Variants in RASA2 observed in about 807,000 individuals in gnomAD.
The protein encoded by RASA2 is RAS p21 protein activator 2, also known as ras GTPase-activating protein 2.
In RASA2, 155 loss-of-function variants were observed where a neutral mutation model predicts 118.2. That is an observed-to-expected ratio of 1.31 (90% CI 1.15 to 1.50). The LOEUF (loss-of-function observed/expected upper bound fraction) is 1.50, where lower values mean the gene tolerates loss of function less well. Ranked by LOEUF, RASA2 falls within the 40% of genes most tolerant of loss-of-function variation. RASA2 has a pLI of 0.00. For missense variants in RASA2, 1,016 were observed against 1,009.6 expected, an observed-to-expected ratio of 1.01 and a Z score of -0.09; for synonymous variants, 353 against 349.1, an observed-to-expected ratio of 1.01 and a Z score of -0.12.
In RASA2 at chr3:141,555,951, G is replaced by T. The variant is rs764733382; in HGVS notation, c.684+39G>T. 14 of 1,411,810 alleles carry T rather than the reference G, an allele frequency of 9.9e-6. No homozygotes were observed. The East Asian group carries it at 3.3e-4, about 33-fold the overall frequency. The allele number at this position is 1,411,810 out of a possible 1,614,324, so 87.5% of individuals were successfully genotyped here. A position where few individuals can be genotyped will look rare whatever the true frequency, so the allele number is the denominator to read the frequency against. On this transcript the variant is annotated intron_variant, in intron 7 of 23. Coordinates refer to ENST00000286364, the MANE Select transcript of RASA2 (RefSeq NM_006506.5). ...TTACGTAAATGTTAACATTAAATATGTAATATTTAATGCTAGTTGATTTCT... is the reference window on the plus strand; with the variant it reads ...TTACGTAAATGTTAACATTAAATATTTAATATTTAATGCTAGTTGATTTCT...
chr3:141,584,330 CAAAAAAAAAAAA>C (rs56396460), intron 17 of RASA2, among the ~76,000 whole-genome samples: 84 of 60,690 alleles, frequency 1.4e-3, no homozygotes, highest in South Asian at 5.1e-3. Context: ...AACTCCATCC[CAAAAAAAAAAAA>C]AAAAAAAAAA....
At chr3:141,532,391 A>G (rs544435089) in intron 4 of RASA2, among the ~76,000 whole-genome samples, 6 of 152,276 alleles carry the variant, frequency 3.9e-5, no homozygotes, top group South Asian at 2.1e-4. Flanking sequence ...ATTTGCTCAA[A>G]GAAAATGGGA....
intron 7 of RASA2, among the ~76,000 whole-genome samples, 186 bp from the exon 8 acceptor site, chr3:141,558,700 T>TTA (rs397875513): frequency 6.6e-6 from 1 of 151,980 alleles, no homozygotes; most frequent in Non-Finnish European, 1.5e-5. Flanking sequence ...ATTTTTTTTT[T>TTA]ACACTACCTT....
intron 4 of RASA2, among the ~76,000 whole-genome samples, chr3:141,532,899 GT>G (rs201500565): frequency 0.014 from 2,047 of 151,390 alleles, 35 homozygotes; most frequent in African/African-American, 0.047. Flanking sequence ...TTTAAATATT[GT>G]TTTTTTTCTT....
intron 15 of RASA2, among the ~76,000 whole-genome samples, chr3:141,579,983 A>G (rs569113372): frequency 7.4e-5 from 11 of 148,090 alleles, no homozygotes; most frequent in Admixed American, 5.4e-4. Flanking sequence ...TTGAACCCAG[A>G]AGGTGGAGGT....
In RASA2 at chr3:141,516,378, ATTTG is replaced by A; in HGVS notation, c.304_307del (p.Phe104MetfsTer14). The A allele has an allele frequency of 6.4e-7, 1 of 1,568,950 alleles. No individual in the cohort carries two copies. Among genetic ancestry groups the A allele is most frequent in the Non-Finnish European group, 8.6e-7 (1 of 1,158,082 alleles). ...TTTGAGATTCCAAGAACTTTCCAGT[ATTTG>A]TCTTTCTATGTTTATGATAAGAATG... On this transcript the variant is annotated frameshift_variant, in exon 3 of 24. Coordinates refer to ENST00000286364, the MANE Select transcript of RASA2 (RefSeq NM_006506.5). LOFTEE classifies it high-confidence loss of function.
intron 6 of RASA2, among the ~76,000 whole-genome samples, chr3:141,555,405 T>G (rs927392175): frequency 6.6e-6 from 1 of 152,164 alleles, no homozygotes; most frequent in African/African-American, 2.4e-5. Flanking sequence ...ATAATTAAAT[T>G]AAAAGATTTT....
intron 1 of RASA2, among the ~76,000 whole-genome samples, chr3:141,495,418 G>A (rs370563354): frequency 6.6e-6 from 1 of 151,814 alleles, no homozygotes; most frequent in Admixed American, 6.6e-5. Flanking sequence ...AAAAACAAGA[G>A]GCCATTAGAA....
intron 3 of RASA2, among the ~76,000 whole-genome samples, chr3:141,522,630 G>A (rs930290513): frequency 4.6e-5 from 7 of 152,130 alleles, no homozygotes; most frequent in Admixed American, 4.6e-4. Context: ...GAATAGTGAA[G>A]TATAAGTCCT....
intron 19 of RASA2, chr3:141,600,192 A>C (rs1463233173): frequency 2.6e-6 from 1 of 378,464 alleles, no homozygotes; most frequent in African/African-American, 2.2e-5. Context: ...TGCTATAGGA[A>C]ATCCAAGTGG....
chr3:141,544,325 T>C (rs1434822100), intron 5 of RASA2, among the ~76,000 whole-genome samples: 5 of 152,314 alleles, frequency 3.3e-5, no homozygotes, highest in African/African-American at 1.2e-4. Context: ...CATTATTTCT[T>C]CTATTAATTC....
chr3:141,570,481 A>G (rs1384316250), intron 9 of RASA2, among the ~76,000 whole-genome samples: 1 of 152,128 alleles, frequency 6.6e-6, no homozygotes, highest in African/African-American at 2.4e-5. Context: ...CAGCCTCCCA[A>G]AGTGCTGAGA....
rs988585361 is a variant in RASA2 at position 141,540,947 on chromosome 3, T to G, written c.527+338T>G. On this transcript the variant is annotated intron_variant, in intron 5 of 23. Coordinates refer to ENST00000286364, the MANE Select transcript of RASA2 (RefSeq NM_006506.5). ...AATTGTCATACCACAGAGCAGAGCT[T>G]TAGAGACTTTGGAGCTAGAACTAAT... is the stretch of plus-strand genomic sequence containing the variant. 2.0e-5 allele frequency among the ~76,000 whole-genome samples: 3 copies of G among 152,088 alleles called. No homozygotes were observed. The East Asian group carries it at 5.8e-4, about 29-fold the overall frequency.
At chr3:141,598,285 C>T (rs1560060411) in intron 19 of RASA2, among the ~76,000 whole-genome samples, 1 of 152,220 alleles carries the variant, frequency 6.6e-6, no homozygotes, top group Non-Finnish European at 1.5e-5. Flanking sequence ...ATGAAAAGGA[C>T]AATCCATAAT....
At chr3:141,575,690 A>G (rs371916364) in intron 14 of RASA2, among the ~76,000 whole-genome samples, 1 of 152,084 alleles carries the variant, frequency 6.6e-6, no homozygotes, top group Non-Finnish European at 1.5e-5. Flanking sequence ...GCCATTCACT[A>G]TACTCTATAC....
intron 8 of RASA2, 131 bp from the exon 9 acceptor site, chr3:141,559,763 G>C (rs2082702918): frequency 1.5e-6 from 1 of 680,728 alleles, no homozygotes; most frequent in Admixed American, 2.5e-5. Flanking sequence ...GTATGTATAT[G>C]GTGTTGCTAA....
intron 4 of RASA2, among the ~76,000 whole-genome samples, chr3:141,533,108 A>G (rs1577694026): frequency 6.6e-6 from 1 of 152,102 alleles, no homozygotes; most frequent in Admixed American, 6.6e-5. Flanking sequence ...GACCTAAAAG[A>G]CGCCACACCA....
intron 19 of RASA2, among the ~76,000 whole-genome samples, chr3:141,590,695 C>T (rs924853649): frequency 1.3e-5 from 2 of 152,144 alleles, no homozygotes; most frequent in South Asian, 4.1e-4. Flanking sequence ...GAAAGAATAC[C>T]TCCCAAATTT....
chr3:141,557,525 A>G (rs1424268371), intron 7 of RASA2, among the ~76,000 whole-genome samples: 1 of 152,176 alleles, frequency 6.6e-6, no homozygotes, highest in Non-Finnish European at 1.5e-5. Context: ...CTAAGATTAG[A>G]AAGGTAGAGT....
Sources: allele counts gnomAD v4.1 joint callset (sites outside exome capture counted in the v4.1 genomes callset), GRCh38; gene constraint gnomAD v4.1.1; transcripts MANE v1.5; gene names NCBI Gene and HGNC (gene_info 2026-07-23, HGNC 2026-07-21).